DENND2A: variants seen among roughly 807,000 people sequenced by gnomAD.
DENND2A encodes DENN domain containing 2A, also known as DENN domain-containing protein 2A.
Under a neutral mutation model 105.3 loss-of-function variants are expected in DENND2A, and 53 were observed. The observed-to-expected ratio is 0.50, with a 90% confidence interval of 0.40 to 0.63. The LOEUF (loss-of-function observed/expected upper bound fraction) is 0.63, where lower values mean the gene tolerates loss of function less well. DENND2A is among the 30% of genes least tolerant of loss of function. The pLI is 0.00. For missense variants in DENND2A, 1,138 were observed against 1,279.6 expected (o/e 0.89, Z 1.69); for synonymous variants, 522 against 508.4 (o/e 1.03, Z -0.36).
intron 14 of DENND2A, among the ~76,000 whole-genome samples, chr7:140,532,991 CT>C (rs3042406): frequency 0.11 from 12,995 of 119,728 alleles, 296 homozygotes; most frequent in Admixed American, 0.15. Context: ...AGGCTACCTG[CT>C]TTTTTTTTTT....
chr7:140,622,166 G>C (rs1234950229), intron 1 of DENND2A, among the ~76,000 whole-genome samples: 1 of 152,152 alleles, frequency 6.6e-6, no homozygotes, highest in African/African-American at 2.4e-5. Flanking sequence ...GGGAGGCTGA[G>C]ATGGACAGAT....
chr7:140,552,989 G>A (rs1797199808), intron 12 of DENND2A, among the ~76,000 whole-genome samples: 1 of 152,154 alleles, frequency 6.6e-6, no homozygotes, highest in Non-Finnish European at 1.5e-5. Context: ...AGGGGTGAAG[G>A]GGTGGGTTGC....
chr7:140,572,006 C>T (rs1798112496), intron 6 of DENND2A, among the ~76,000 whole-genome samples: 1 of 151,878 alleles, frequency 6.6e-6, no homozygotes, highest in Non-Finnish European at 1.5e-5. Context: ...CTCTCTCTGT[C>T]TCTCTTTTAT....
intron 3 of DENND2A, 123 bp downstream of exon 3, chr7:140,601,280 G>T: frequency 7.6e-7 from 1 of 1,314,790 alleles, no homozygotes. Context: ...TGAACCATCT[G>T]GACTACAAGA....
At chr7:140,558,268 C>T (rs1214152600) in intron 10 of DENND2A, 56 bp from the exon 11 acceptor site, 2 of 1,416,784 alleles carry the variant, frequency 1.4e-6, no homozygotes, top group Non-Finnish European at 2.0e-6. Flanking sequence ...AAAGACACCT[C>T]ATCACTCTGC....
At chr7:140,604,640 G>T (rs1255371185) in intron 2 of DENND2A, among the ~76,000 whole-genome samples, 5 of 152,242 alleles carry the variant, frequency 3.3e-5, no homozygotes, top group Non-Finnish European at 5.9e-5. Flanking sequence ...ATCCAGGTTA[G>T]TGTCTGCATG....
At chr7:140,635,068 G>C (rs1406938502) in intron 1 of DENND2A, among the ~76,000 whole-genome samples, 1 of 151,964 alleles carries the variant, frequency 6.6e-6, no homozygotes, top group African/African-American at 2.4e-5. Context: ...TTTGAGACCA[G>C]CCTGGGCAAC....
chr7:140,586,279 G>A lies in DENND2A; in HGVS notation c.1124-569C>T, dbSNP rs374224594. On this transcript the variant is annotated intron_variant, in intron 4 of 19. Coordinates refer to ENST00000496613, the MANE Select transcript of DENND2A (RefSeq NM_015689.5). ...CACACCTGTAATCCCAGGACTTTGG[G>A]AGGCCGAAGGGGGTGGATCACTTGA... 2.3e-3 allele frequency among the ~76,000 whole-genome samples: 355 copies of A among 152,166 alleles called. 4 individuals are homozygous for A. Among genetic ancestry groups the A allele is most frequent in the South Asian group, 0.021 (99 of 4,818 alleles).
chr7:140,604,346 A>G (rs75074533), intron 2 of DENND2A, among the ~76,000 whole-genome samples: 1,818 of 152,402 alleles, frequency 0.012, 34 homozygotes, highest in African/African-American at 0.041. Flanking sequence ...GAAAACGCAA[A>G]CACATTTTTT....
chr7:140,557,978 G>C (rs2130565600), intron 11 of DENND2A, among the ~76,000 whole-genome samples, 165 bp downstream of exon 11: 1 of 152,090 alleles, frequency 6.6e-6, no homozygotes, highest in East Asian at 1.9e-4. Context: ...GATTTTTTCT[G>C]TGATTTTAAC....
intron 9 of DENND2A, among the ~76,000 whole-genome samples, chr7:140,564,356 G>A (rs1797752981): frequency 6.6e-6 from 1 of 151,888 alleles, no homozygotes. Flanking sequence ...AAGGGGACTG[G>A]TTACATAGAA....
At position 140,604,088 on chromosome 7, in the gene DENND2A, A is replaced by G. The variant is rs542677243; in HGVS notation, c.-145-1546T>C. Among the ~76,000 whole-genome samples, 120 of 152,360 alleles carry G rather than the reference A, an allele frequency of 7.9e-4. 1 individual carries two copies. Among genetic ancestry groups the G allele is most frequent in the African/African-American group, 2.8e-3 (116 of 41,586 alleles). On this transcript the variant is annotated intron_variant, in intron 2 of 19. Transcript: ENST00000496613. Reference sequence around the variant, plus strand: ...TTATGACTGAGTACAGTGACTTTGGATGTGCCGACATTAGCTAACACCTCA... The same window carrying G: ...TTATGACTGAGTACAGTGACTTTGGGTGTGCCGACATTAGCTAACACCTCA...
rs10246080 is a variant in DENND2A at position 140,566,177 on chromosome 7, G to A, written c.1779+909C>T. ...CTCCTGAGTAGCTGGGATTATAGGC[G>A]CCTGCCACCACGCCCAGCTAATTTT... On this transcript the variant is annotated intron_variant, in intron 9 of 19. Coordinates refer to ENST00000496613, the MANE Select transcript of DENND2A (RefSeq NM_015689.5). Among the ~76,000 whole-genome samples the A allele has an allele frequency of 7.1e-4, 108 of 152,148 alleles. 1 individual carries two copies. The highest frequency in any genetic ancestry group is 2.5e-3 in the African/African-American group (104 of 41,508).
intron 12 of DENND2A, among the ~76,000 whole-genome samples, chr7:140,554,806 G>T (rs984535462): frequency 6.6e-6 from 1 of 152,136 alleles, no homozygotes; most frequent in Non-Finnish European, 1.5e-5. Context: ...CAATTCCTAT[G>T]CGTTCATATG....
At chr7:140,586,187 A>T (rs1050347628) in intron 4 of DENND2A, among the ~76,000 whole-genome samples, 33 of 151,850 alleles carry the variant, frequency 2.2e-4, no homozygotes, top group African/African-American at 8.0e-4. Flanking sequence ...GGACGCTGGG[A>T]AGCCTGCTGA....
intron 1 of DENND2A, among the ~76,000 whole-genome samples, chr7:140,633,893 C>A (rs1800824845): frequency 6.6e-6 from 1 of 152,148 alleles, no homozygotes; most frequent in Non-Finnish European, 1.5e-5. Flanking sequence ...CAGCCTCCAA[C>A]CTCGGCTACT....
chr7:140,586,468 A>T (rs994408345), intron 4 of DENND2A, among the ~76,000 whole-genome samples: 1 of 152,022 alleles, frequency 6.6e-6, no homozygotes, highest in Non-Finnish European at 1.5e-5. Context: ...CTGAGGCAGG[A>T]GAATTGCATG....
rs1372761700 is a variant in DENND2A at position 140,569,618 on chromosome 7, G to C, written c.1540+27C>G. ...AGAATCTCTTTTCCGATTCTTGCGG[G>C]AGGAGGGCTGGTGGTGGGGGTTCTA... On this transcript the variant is annotated intron_variant, in intron 7 of 19. Coordinates refer to ENST00000496613, the MANE Select transcript of DENND2A (RefSeq NM_015689.5). 18 of 1,467,162 alleles carry C rather than the reference G, an allele frequency of 1.2e-5. No homozygotes were observed. In the Admixed American group the frequency reaches 3.0e-4, roughly 25 times the overall value. The allele number at this position is 1,467,162 out of a possible 1,614,324, so 90.9% of individuals were successfully genotyped here.
chr7:140,636,999 A>C (rs996722372), intron 1 of DENND2A, among the ~76,000 whole-genome samples: 2 of 152,078 alleles, frequency 1.3e-5, no homozygotes, highest in Non-Finnish European at 2.9e-5. Flanking sequence ...AGTTGGGACT[A>C]CAGGCATGCG....
Sources: gnomAD v4.1 joint callset for allele counts (sites outside exome capture counted in the v4.1 genomes callset) on GRCh38, gnomAD v4.1.1 for gene constraint, MANE v1.5 for transcripts, NCBI Gene and HGNC (gene_info 2026-07-23, HGNC 2026-07-21) for gene names.